Variants in TYRP1 observed in about 807,000 individuals in gnomAD.
TYRP1 encodes the protein 5,6-dihydroxyindole-2-carboxylic acid oxidase.
TYRP1 carries 49 observed loss-of-function variants against 42.8 expected under a neutral mutation model. The ratio of observed to expected loss-of-function variants is 1.14; its 90% CI spans 0.91 to 1.45. TYRP1 has a LOEUF of 1.45. TYRP1 is among the 40% of genes most tolerant of loss of function. The pLI is 0.00. For synonymous variants in TYRP1, 279 were observed against 235.4 expected (o/e 1.19, Z -1.69); for missense variants, 848 against 662.0 (o/e 1.28, Z -3.08).
At chr9:12,702,783 G>A (rs1818193422) in intron 5 of TYRP1, among the ~76,000 whole-genome samples, 2 of 151,804 alleles carry the variant, frequency 1.3e-5, no homozygotes, top group East Asian at 3.9e-4. Context: ...CTTTGACAGT[G>A]TATTAAATTA....
rs760195376 is a variant in TYRP1, at chr9:12,695,804, G to T, written c.675G>T (p.Arg225Ser). 37 of 1,614,004 alleles carry T rather than the reference G, an allele frequency of 2.3e-5. No homozygotes were observed. Among genetic ancestry groups the T allele is most frequent in the Non-Finnish European group, 3.1e-5 (36 of 1,180,032 alleles). Residue 225 changes from arginine to serine, a missense_variant, in exon 3 of 8, where the codon AGG (arginine) becomes AGT (serine). By Grantham distance (110) the Arg-to-Ser change is moderately radical. Transcript: ENST00000388918. ...GACCAGCTTTTCTCACATGGCACAG[G>T]TACCACCTCCTGCGTCTGGAGAAAG... is the stretch of plus-strand genomic sequence containing the variant. Reference protein sequence around the residue: ...HEGPAFLTWHRYHLLRLEKDM... With the variant: ...HEGPAFLTWHSYHLLRLEKDM...
chr9:12,700,574 G>GA (rs1469668166), intron 4 of TYRP1: 1 of 151,998 alleles, frequency 6.6e-6, no homozygotes, highest in African/African-American at 2.4e-5. Flanking sequence ...TGGTCCATAG[G>GA]ATGTTAGGTG....
rs1818043106 is a variant in TYRP1, at chr9:12,694,342, G to A, written c.346G>A (p.Gly116Ser). ...ACACAACTGTGGGACGTGCCGTCCT[G>A]GCTGGAGAGGAGCTGCCTGTGACCA... ...SGHNCGTCRP[G>S]WRGAACDQRV... Residue 116 changes from glycine to serine, a missense_variant, in exon 2 of 8, where the codon GGC becomes AGC. Physicochemically the swap from Gly to Ser is moderately conservative, Grantham distance 56. Coordinates refer to ENST00000388918, the MANE Select transcript of TYRP1 (RefSeq NM_000550.3). 10 of 1,614,074 alleles carry A rather than the reference G, an allele frequency of 6.2e-6. No homozygotes were observed. Among genetic ancestry groups the A allele is most frequent in the Non-Finnish European group, 8.5e-6 (10 of 1,180,010 alleles).
In TYRP1 at chr9:12,695,819, T is replaced by C. The variant is rs759998917; in HGVS notation, c.690T>C (p.Arg230=). 1 of 1,614,136 alleles carries C rather than the reference T, an allele frequency of 6.2e-7. No homozygotes were observed. The highest frequency in any genetic ancestry group is 8.5e-7 in the Non-Finnish European group (1 of 1,180,006). ...FLTWHRYHLL[R]LEKDMQEMLQ... ...CATGGCACAGGTACCACCTCCTGCG[T>C]CTGGAGAAAGACATGCAGGTATGTA... The change falls in exon 3 of 8, where the codon CGT becomes CGC. Residue 230 remains arginine, a synonymous_variant. Coordinates refer to ENST00000388918, the MANE Select transcript of TYRP1 (RefSeq NM_000550.3).
chr9:12,696,516 A>G (rs1818081592), intron 3 of TYRP1, among the ~76,000 whole-genome samples: 1 of 152,158 alleles, frequency 6.6e-6, no homozygotes. Flanking sequence ...TAAAATATGT[A>G]AAATTTGAAA....
chr9:12,706,966 G>A (rs1401086368), intron 6 of TYRP1, among the ~76,000 whole-genome samples: 1 of 151,902 alleles, frequency 6.6e-6, no homozygotes, highest in Non-Finnish European at 1.5e-5. Context: ...ATAAAGAAAA[G>A]TGGAGTCATT....
At chr9:12,708,910 C>G (rs2733834) in intron 7 of TYRP1, 67 bp from the exon 8 acceptor site, 806,666 of 1,368,220 alleles carry the variant, frequency 0.59, 260,194 homozygotes, top group Non-Finnish European at 0.67. Flanking sequence ...TAAATTTCAT[C>G]TGTCCACTTT....
rs755053457 is a variant in TYRP1, at chr9:12,704,525, G to C, written c.1082-1G>C. Reference sequence around the variant, plus strand: ...TATTCTCCTCCTTACCATGTGTCTAGGTTACAGTGACCCCACGGGAAAGTA... The same window carrying C: ...TATTCTCCTCCTTACCATGTGTCTACGTTACAGTGACCCCACGGGAAAGTA... On this transcript the variant is annotated splice_acceptor_variant, in intron 5 of 7. Coordinates refer to ENST00000388918, the MANE Select transcript of TYRP1 (RefSeq NM_000550.3). LOFTEE classifies it high-confidence loss of function. 1 of 1,611,466 alleles carries C rather than the reference G, an allele frequency of 6.2e-7. No individual in the cohort carries two copies. The highest frequency in any genetic ancestry group is 1.3e-5 in the African/African-American group (1 of 74,930).
rs1663304702 is a variant in TYRP1 at position 12,694,004 on chromosome 9, C to T, written c.8C>T (p.Ala3Val). 2 of 1,614,000 alleles carry T rather than the reference C, an allele frequency of 1.2e-6. No homozygotes were observed. Among genetic ancestry groups the T allele is most frequent in the East Asian group, 2.2e-5 (1 of 44,858 alleles). Residue 3 changes from alanine (A) to valine (V), a missense_variant, in exon 2 of 8, where the codon GCT becomes GTT. Coordinates refer to ENST00000388918, the MANE Select transcript of TYRP1 (RefSeq NM_000550.3). ...ACTCTTATTTCAAGCAGAATGAGTG[C>T]TCCTAAACTCCTCTCTCTGGGCTGT... MS[A>V]PKLLSLGCIF...
intron 4 of TYRP1, among the ~76,000 whole-genome samples, chr9:12,698,951 C>T (rs921484944): frequency 6.6e-5 from 10 of 152,010 alleles, no homozygotes; most frequent in Non-Finnish European, 1.2e-4. Context: ...AACTAATCCT[C>T]TTAGTTTTCT....
chr9:12,704,518 G>A lies in TYRP1; in HGVS notation c.1082-8G>A, dbSNP rs79992094. On this transcript the variant is annotated splice_polypyrimidine_tract_variant and splice_region_variant and intron_variant, in intron 5 of 7. Transcript: ENST00000388918. ...GTTTTACTATTCTCCTCCTTACCAT[G>A]TGTCTAGGTTACAGTGACCCCACGG... 1,754 of 1,610,594 alleles carry A rather than the reference G, an allele frequency of 1.1e-3. 13 individuals are homozygous for A. The African/African-American group carries it at 0.02, about 18-fold the overall frequency.
chr9:12,700,376 G>A (rs911039501), intron 4 of TYRP1: 13 of 151,922 alleles, frequency 8.6e-5, no homozygotes, highest in Non-Finnish European at 1.6e-4. Flanking sequence ...AAATTAATGC[G>A]CCAAACTTGG....
chr9:12,703,435 T>C (rs1818206063), intron 5 of TYRP1, among the ~76,000 whole-genome samples: 1 of 151,872 alleles, frequency 6.6e-6, no homozygotes, highest in South Asian at 2.1e-4. Flanking sequence ...AAAATCACTA[T>C]ATTTTGGCTA....
In TYRP1 at chr9:12,694,048, C is replaced by A; in HGVS notation, c.52C>A (p.Leu18Ile). Residue 18 changes from leucine (L) to isoleucine (I), a missense_variant, in exon 2 of 8, where the codon CTT (leucine) becomes ATT (isoleucine). Coordinates refer to ENST00000388918, the MANE Select transcript of TYRP1 (RefSeq NM_000550.3). ...SLGCIFFPLL[L>I]FQQARAQFPR... The stretch of plus-strand genomic sequence containing the variant: ...GGGCTGTATCTTCTTCCCCTTGCTA[C>A]TTTTTCAGCAGGCCCGGGCTCAATT... 3.1e-6 allele frequency: 5 copies of A among 1,614,046 alleles called. No homozygotes were observed. The highest frequency in any genetic ancestry group is 3.4e-6 in the Non-Finnish European group (4 of 1,180,014).
rs1818317432 is a variant in TYRP1, at chr9:12,709,304, G to GAATT, written c.*122_*123insAATT. 2.8e-6 allele frequency: 3 copies of GAATT among 1,073,574 alleles called. No individual in the cohort carries two copies. Among genetic ancestry groups the GAATT allele is most frequent in the Middle Eastern group, 2.6e-4 (1 of 3,810 alleles). 66.5% of individuals were successfully genotyped at this position (1,073,574 alleles called of 1,614,324 possible). A position where few individuals can be genotyped will look rare whatever the true frequency, so the allele number is the denominator to read the frequency against. On this transcript the variant is annotated 3_prime_UTR_variant, in exon 8 of 8. Coordinates refer to ENST00000388918, the MANE Select transcript of TYRP1 (RefSeq NM_000550.3). ...TTCTTTCTAATACAAGCATATGTTAGCATTAAAGTTCTAGGCATACTTTTC... is the reference window on the plus strand; with the variant it reads ...TTCTTTCTAATACAAGCATATGTTAGAATTCATTAAAGTTCTAGGCATACTTTTC...
intron 1 of TYRP1, 49 bp from the exon 2 acceptor site, chr9:12,693,863 A>T: frequency 1.6e-6 from 2 of 1,258,370 alleles, no homozygotes; most frequent in Non-Finnish European, 2.2e-6. Context: ...ATACCATTTT[A>T]AGTACCAAGA....
In TYRP1 at chr9:12,709,244, G is replaced by A; in HGVS notation, c.*62G>A. 5.5e-6 allele frequency: 8 copies of A among 1,467,404 alleles called. No homozygotes were observed. The South Asian group carries it at 9.1e-5, about 17-fold the overall frequency. 90.9% of individuals were successfully genotyped at this position (1,467,404 alleles called of 1,614,324 possible). A position where few individuals can be genotyped will look rare whatever the true frequency, so the allele number is the denominator to read the frequency against. On this transcript the variant is annotated 3_prime_UTR_variant, in exon 8 of 8. Transcript: ENST00000388918. Reference sequence around the variant, plus strand: ...ACCACCTGGTTGAATATAATAGATTGAGTTATTAACTGTATTTTCTTTCAC... The same window carrying A: ...ACCACCTGGTTGAATATAATAGATTAAGTTATTAACTGTATTTTCTTTCAC...
intron 3 of TYRP1, among the ~76,000 whole-genome samples, chr9:12,697,987 C>T (rs749838036): frequency 1.3e-5 from 2 of 151,956 alleles, no homozygotes; most frequent in African/African-American, 2.4e-5. Context: ...AAAACAGAAG[C>T]AAAACAAAAA....
intron 6 of TYRP1, chr9:12,707,578 A>G: frequency 5.6e-6 from 1 of 177,754 alleles, no homozygotes; most frequent in Non-Finnish European, 1.2e-5. Flanking sequence ...GTCTGGGGAG[A>G]GAGTGGTGAG....
Sources: gnomAD v4.1 joint callset for allele counts (sites outside exome capture counted in the v4.1 genomes callset) on GRCh38, gnomAD v4.1.1 for gene constraint, MANE v1.5 for transcripts, NCBI Gene and HGNC (gene_info 2026-07-23, HGNC 2026-07-21) for gene names.